The following LAMA2 variants were observed in gnomAD, a reference collection of about 807,000 sequenced individuals.
LAMA2 encodes the protein laminin subunit alpha 2.
Under a neutral mutation model 364.8 loss-of-function variants are expected in LAMA2, and 269 were observed. The ratio of observed to expected loss-of-function variants is 0.74; its 90% CI spans 0.67 to 0.82. LAMA2 has a LOEUF of 0.82. LAMA2 is among the 40% of genes least tolerant of loss of function. The probability of loss-of-function intolerance (pLI) is 0.00; values close to 1 mark genes in which losing one functional copy is unlikely to be tolerated. For synonymous variants in LAMA2, 1,379 were observed against 1,370.6 expected (o/e 1.01, Z -0.14); for missense variants, 3,807 against 3,873.2 (o/e 0.98, Z 0.45).
chr6:129,389,522 G>A (rs1207945119), intron 35 of LAMA2, among the ~76,000 whole-genome samples: 1 of 152,136 alleles, frequency 6.6e-6, no homozygotes, highest in Non-Finnish European at 1.5e-5. Flanking sequence ...TTGCCCTTAT[G>A]ACCTAATCTC....
chr6:129,228,782 A>G (rs1583298579), intron 12 of LAMA2, among the ~76,000 whole-genome samples: 1 of 152,208 alleles, frequency 6.6e-6, no homozygotes, highest in African/African-American at 2.4e-5. Flanking sequence ...TTTCATGCAC[A>G]ATAACACCTT....
In LAMA2 at chr6:129,125,423, C is replaced by T. The variant is rs139843473; in HGVS notation, c.640-18478C>T. Among the ~76,000 whole-genome samples the T allele has an allele frequency of 5.8e-4, 89 of 152,266 alleles. 2 individuals are homozygous for T. The East Asian group carries it at 0.016, about 27-fold the overall frequency. Reference sequence around the variant, plus strand: ...AGTACAAGAAGACCTAGAAAAGTAACAGTCTGAGAACTGAGCTCTAAGGAA... The same window carrying T: ...AGTACAAGAAGACCTAGAAAAGTAATAGTCTGAGAACTGAGCTCTAAGGAA... On this transcript the variant is annotated intron_variant, in intron 4 of 64. Transcript: ENST00000421865.
At chr6:129,313,427 G>A (rs1774358254) in intron 23 of LAMA2, among the ~76,000 whole-genome samples, 1 of 152,118 alleles carries the variant, frequency 6.6e-6, no homozygotes, top group South Asian at 2.1e-4. Context: ...AGGGAAGACA[G>A]TTCTTTTAAG....
At chr6:129,284,467 T>C (rs1788954717) in intron 18 of LAMA2, among the ~76,000 whole-genome samples, 1 of 152,176 alleles carries the variant, frequency 6.6e-6, no homozygotes, top group Non-Finnish European at 1.5e-5. Context: ...TGGACTGTAG[T>C]GTGAAGACTG....
chr6:129,433,270 A>G (rs1240581681), intron 41 of LAMA2, among the ~76,000 whole-genome samples: 1 of 152,162 alleles, frequency 6.6e-6, no homozygotes, highest in Non-Finnish European at 1.5e-5. Flanking sequence ...AAGTACAAAG[A>G]TTGGGTGTAG....
intron 27 of LAMA2, among the ~76,000 whole-genome samples, chr6:129,316,487 A>G (rs924089913): frequency 1.3e-5 from 2 of 152,222 alleles, no homozygotes; most frequent in Admixed American, 1.3e-4. Context: ...TGTGGTATAA[A>G]TGGATTATAA....
chr6:129,171,403 G>A (rs982177126), intron 9 of LAMA2, among the ~76,000 whole-genome samples: 2 of 151,740 alleles, frequency 1.3e-5, no homozygotes, highest in African/African-American at 4.8e-5. Flanking sequence ...TTGCTTGTCT[G>A]TAAAGTATTT....
intron 1 of LAMA2, among the ~76,000 whole-genome samples, chr6:128,978,203 T>C (rs1183212373): frequency 1.3e-5 from 2 of 152,208 alleles, no homozygotes; most frequent in Non-Finnish European, 2.9e-5. Flanking sequence ...TGAATATTTG[T>C]AATGAATCAT....
chr6:129,431,793 C>G (rs1583733803), intron 41 of LAMA2, among the ~76,000 whole-genome samples: 2 of 152,272 alleles, frequency 1.3e-5, no homozygotes, highest in South Asian at 2.1e-4. Flanking sequence ...CCAGTTGAAG[C>G]CTTCCTTCTA....
At chr6:129,452,570 T>C (rs183965569) in intron 45 of LAMA2, among the ~76,000 whole-genome samples, 84 of 152,280 alleles carry the variant, frequency 5.5e-4, no homozygotes, top group African/African-American at 1.9e-3. Context: ...AAAAATAGTT[T>C]CTTAGTTTAA....
intron 40 of LAMA2, 70 bp downstream of exon 40, chr6:129,404,029 T>C: frequency 6.5e-7 from 1 of 1,543,044 alleles, no homozygotes; most frequent in Non-Finnish European, 8.9e-7. Context: ...TGTAAGTCAG[T>C]CTGGAAAATC....
chr6:129,066,522 A>G (rs1789366043), intron 3 of LAMA2, among the ~76,000 whole-genome samples: 4 of 152,224 alleles, frequency 2.6e-5, no homozygotes, highest in African/African-American at 9.7e-5. Flanking sequence ...AATGTGATCC[A>G]CAGATTCAGT....
chr6:129,156,641 T>C (rs1428220768), intron 8 of LAMA2, among the ~76,000 whole-genome samples: 1 of 152,172 alleles, frequency 6.6e-6, no homozygotes, highest in African/African-American at 2.4e-5. Flanking sequence ...TAAGAAGTGC[T>C]TTCTCTGTAA....
chr6:129,228,416 G>A (rs1371095462), intron 12 of LAMA2, among the ~76,000 whole-genome samples: 1 of 152,082 alleles, frequency 6.6e-6, no homozygotes, highest in Non-Finnish European at 1.5e-5. Context: ...CATATTCTGT[G>A]TCGCTCATGC....
rs1236172806 is a variant in LAMA2 at position 129,391,534 on chromosome 6, T to C, written c.5115T>C (p.Thr1705=). Residue 1705 remains threonine, a synonymous_variant, in exon 36 of 65, where the codon ACT becomes ACC. Transcript: ENST00000421865. ...KAIKLNETLG[T]RDEAFERNLE... ...TAAAACTAAATGAAACTCTAGGAAC[T>C]CGAGACGAGGCCTTTGAGAGAAATT... is the stretch of plus-strand genomic sequence containing the variant. 1.2e-5 allele frequency: 20 copies of C among 1,613,964 alleles called. No individual in the cohort carries two copies. The highest frequency in any genetic ancestry group is 1.6e-5 in the Non-Finnish European group (19 of 1,179,916).
At chr6:129,174,829 A>G (rs1340882688) in intron 9 of LAMA2, among the ~76,000 whole-genome samples, 2 of 149,428 alleles carry the variant, frequency 1.3e-5, no homozygotes, top group Non-Finnish European at 2.9e-5. Context: ...CGATCTATCT[A>G]CCTACCTACC....
At chr6:128,890,205 A>T (rs1048551834) in intron 1 of LAMA2, among the ~76,000 whole-genome samples, 1 of 152,210 alleles carries the variant, frequency 6.6e-6, no homozygotes, top group Admixed American at 6.6e-5. Context: ...CATTGTGAGC[A>T]TTAACACATT....
Position 129,192,787 on chromosome 6 carries a change from G to C in LAMA2, c.1716G>C (p.Ala572=), listed in dbSNP as rs758682648. Residue 572 remains alanine, a synonymous_variant, in exon 12 of 65, where the codon GCG becomes GCC. Transcript: ENST00000421865. ...DSPQQISISN[A]EARQALPHSY... ...CTCAGCAGATCAGCATCAGTAACGCGGAGGCCCGGCAAGCCCTGCCGCACA... is the reference window on the plus strand; with the variant it reads ...CTCAGCAGATCAGCATCAGTAACGCCGAGGCCCGGCAAGCCCTGCCGCACA... 1.1e-5 allele frequency: 17 copies of C among 1,614,030 alleles called. No homozygotes were observed. In the South Asian group the frequency reaches 1.6e-4, roughly 16 times the overall value.
At chr6:129,082,469 C>A (rs1214985440) in intron 3 of LAMA2, among the ~76,000 whole-genome samples, 2 of 152,100 alleles carry the variant, frequency 1.3e-5, no homozygotes, top group African/African-American at 4.8e-5. Flanking sequence ...CTAGTAGGCA[C>A]CCATTTCCAG....
Sources: gnomAD v4.1 joint callset for allele counts (sites outside exome capture counted in the v4.1 genomes callset) on GRCh38, gnomAD v4.1.1 for gene constraint, MANE v1.5 for transcripts, NCBI Gene and HGNC (gene_info 2026-07-23, HGNC 2026-07-21) for gene names.